Variants in MAN2A1 observed in about 807,000 individuals in gnomAD.
MAN2A1 encodes alpha-mannosidase 2.
In MAN2A1, 76 loss-of-function variants were observed where a neutral mutation model predicts 142.6. The observed-to-expected ratio is 0.53, with a 90% CI of 0.44 to 0.65. The LOEUF (loss-of-function observed/expected upper bound fraction) is 0.65. Among genes scored for constraint, MAN2A1 ranks in the 30% least tolerant of loss-of-function variants. The probability of loss-of-function intolerance (pLI) is 0.00; values close to 1 mark genes in which losing one functional copy is unlikely to be tolerated. For synonymous variants in MAN2A1, 559 were observed against 473.2 expected (o/e 1.18, Z -2.35); for missense variants, 1,311 against 1,365.1 (o/e 0.96, Z 0.62).
At chr5:109,801,911 G>A (rs1051821501) in intron 12 of MAN2A1, among the ~76,000 whole-genome samples, 3 of 151,996 alleles carry the variant, frequency 2.0e-5, no homozygotes, top group East Asian at 3.9e-4. Flanking sequence ...TGAGATTTGG[G>A]TTATTTAAAT....
At chr5:109,801,282 A>G (rs1343805788) in intron 12 of MAN2A1, among the ~76,000 whole-genome samples, 1 of 152,120 alleles carries the variant, frequency 6.6e-6, no homozygotes, top group South Asian at 2.1e-4. Flanking sequence ...TTCTACATAC[A>G]GTACATCTGT....
chr5:109,739,841 C>T (rs1752216302), intron 4 of MAN2A1, among the ~76,000 whole-genome samples: 2 of 152,148 alleles, frequency 1.3e-5, no homozygotes, highest in Non-Finnish European at 2.9e-5. Flanking sequence ...TGTTGCCTAG[C>T]CCAGACAAGT....
intron 12 of MAN2A1, among the ~76,000 whole-genome samples, chr5:109,802,141 C>T (rs1390471299): frequency 6.6e-6 from 1 of 152,150 alleles, no homozygotes; most frequent in Non-Finnish European, 1.5e-5. Context: ...TCAGAACCTA[C>T]ACAGGCAAGG....
In MAN2A1 at chr5:109,855,165, A is replaced by T. The variant is rs143082461; in HGVS notation, c.3002A>T (p.Tyr1001Phe). 3.2e-6 allele frequency: 5 copies of T among 1,567,334 alleles called. No individual in the cohort carries two copies. The African/African-American group carries it at 4.1e-5, about 13-fold the overall frequency. The change falls in exon 20 of 22, where the codon TAT (tyrosine) becomes TTT (phenylalanine). Residue 1001 changes from tyrosine (Y) to phenylalanine (F), a missense_variant. Physicochemically the swap from Tyr to Phe is conservative, Grantham distance 22. Transcript: ENST00000261483. ...NTEEEKKSVS[Y>F]PSLLSHITSS... is the part of the protein sequence containing the mutation. ...GAAGAAGAAAAGAAGTCGGTCAGTTATCCTTCTCTCCTTAGCCACATAACT... is the reference window on the plus strand; with the variant it reads ...GAAGAAGAAAAGAAGTCGGTCAGTTTTCCTTCTCTCCTTAGCCACATAACT...
At chr5:109,729,251 A>G (rs981688839) in intron 3 of MAN2A1, 91 bp from the exon 4 acceptor site, 9 of 739,874 alleles carry the variant, frequency 1.2e-5, no homozygotes, top group Non-Finnish European at 1.9e-5. Context: ...TGAAAATTCT[A>G]ACGATGTCCA....
chr5:109,713,489 CA>C (rs1479972502), intron 1 of MAN2A1, 30 bp from the exon 2 acceptor site: 12 of 1,554,748 alleles, frequency 7.7e-6, no homozygotes, highest in South Asian at 1.2e-5. Flanking sequence ...ATTAGTATTT[CA>C]TATAGCTGCC....
intron 1 of MAN2A1, among the ~76,000 whole-genome samples, chr5:109,706,925 A>G (rs947120823): frequency 1.2e-4 from 19 of 152,194 alleles, no homozygotes; most frequent in African/African-American, 4.6e-4. Context: ...TGCAGATCTT[A>G]TATCACTACC....
chr5:109,757,730 C>T (rs967426544), intron 5 of MAN2A1, among the ~76,000 whole-genome samples: 6 of 152,148 alleles, frequency 3.9e-5, no homozygotes, highest in Non-Finnish European at 8.8e-5. Flanking sequence ...CAGTCTCAGG[C>T]TATCACTAGT....
At chr5:109,793,072 T>G (rs1753774872) in intron 12 of MAN2A1, among the ~76,000 whole-genome samples, 1 of 152,104 alleles carries the variant, frequency 6.6e-6, no homozygotes, top group African/African-American at 2.4e-5. Flanking sequence ...GTGAGGAGCA[T>G]GTATAGGAAG....
intron 4 of MAN2A1, among the ~76,000 whole-genome samples, chr5:109,735,492 A>T (rs1159493705): frequency 6.6e-6 from 1 of 152,036 alleles, no homozygotes; most frequent in Non-Finnish European, 1.5e-5. Flanking sequence ...ATTTGGCATG[A>T]TTTTGCAGTG....
chr5:109,824,926 A>G (rs547646980), intron 16 of MAN2A1, among the ~76,000 whole-genome samples: 4 of 152,294 alleles, frequency 2.6e-5, no homozygotes, highest in South Asian at 2.1e-4. Flanking sequence ...CAACTTCTTT[A>G]GGTAATAATA....
At chr5:109,700,928 T>A (rs1406899418) in intron 1 of MAN2A1, among the ~76,000 whole-genome samples, 5 of 152,198 alleles carry the variant, frequency 3.3e-5, no homozygotes, top group African/African-American at 1.2e-4. Flanking sequence ...ACTTTTTAGT[T>A]ATTTAGGGAA....
At chr5:109,779,290 T>C (rs1753381662) in intron 8 of MAN2A1, among the ~76,000 whole-genome samples, 2 of 152,160 alleles carry the variant, frequency 1.3e-5, no homozygotes, top group Admixed American at 6.5e-5. Context: ...AATTGAAATA[T>C]TTTCAAAGGG....
chr5:109,711,784 A>G (rs886809541), intron 1 of MAN2A1, among the ~76,000 whole-genome samples: 1 of 152,170 alleles, frequency 6.6e-6, no homozygotes. Flanking sequence ...GACCTGTGCT[A>G]AAACTTTTTC....
intron 15 of MAN2A1, among the ~76,000 whole-genome samples, chr5:109,821,763 G>T (rs1486353027): frequency 6.6e-6 from 1 of 151,988 alleles, no homozygotes; most frequent in African/African-American, 2.4e-5. Flanking sequence ...GGTGTGTCCT[G>T]ATGATCTCTG....
At chr5:109,862,964 C>T (rs890014113) in intron 20 of MAN2A1, 14 of 152,198 alleles carry the variant, frequency 9.2e-5, no homozygotes, top group African/African-American at 3.4e-4. Context: ...TTGTAGAATT[C>T]AAATGTAGAA....
chr5:109,790,392 C>A (rs1050841534), intron 12 of MAN2A1, among the ~76,000 whole-genome samples: 11 of 151,820 alleles, frequency 7.2e-5, no homozygotes, highest in Non-Finnish European at 1.6e-4. Context: ...TAAGCATAGA[C>A]TAAAGTCTTA....
rs1010468093 is a variant in MAN2A1 at position 109,759,296 on chromosome 5, C to T, written c.835+3840C>T. On this transcript the variant is annotated intron_variant, in intron 5 of 21. Coordinates refer to ENST00000261483, the MANE Select transcript of MAN2A1 (RefSeq NM_002372.4). ...CTGTACTTTTTTTGTTAAATATGTTCCTAGGCATTTTGTTTGTTTTACTGC... is the reference window on the plus strand; with the variant it reads ...CTGTACTTTTTTTGTTAAATATGTTTCTAGGCATTTTGTTTGTTTTACTGC... Among the ~76,000 whole-genome samples the T allele has an allele frequency of 8.5e-5, 13 of 152,114 alleles. No homozygotes were observed. In the South Asian group the frequency reaches 2.7e-3, roughly 32 times the overall value.
At position 109,729,633 on chromosome 5, in the gene MAN2A1, C is replaced by G. The variant is rs1275459458; in HGVS notation, c.707+120C>G. On this transcript the variant is annotated intron_variant, in intron 4 of 21. Transcript: ENST00000261483. Reference sequence around the variant, plus strand: ...TTTATATTTGAAACTTAAAATATTTCTTCACATACCGTTTTCGTTGATTTT... The same window carrying G: ...TTTATATTTGAAACTTAAAATATTTGTTCACATACCGTTTTCGTTGATTTT... The G allele has an allele frequency of 7.4e-6, 4 of 540,270 alleles. No individual in the cohort carries two copies. The East Asian group carries it at 1.3e-4, about 18-fold the overall frequency. The allele number at this position is 540,270 out of a possible 1,614,324, so 33.5% of individuals were successfully genotyped here.
Sources: gnomAD v4.1 joint callset for allele counts (sites outside exome capture counted in the v4.1 genomes callset) on GRCh38, gnomAD v4.1.1 for gene constraint, MANE v1.5 for transcripts, NCBI Gene and HGNC (gene_info 2026-07-23, HGNC 2026-07-21) for gene names.